The following ADAM12 variants were observed in gnomAD, a reference collection of about 807,000 sequenced individuals.
ADAM12 encodes the protein ADAM metallopeptidase domain 12, also known as disintegrin and metalloproteinase domain-containing protein 12.
In ADAM12, 70 loss-of-function variants were observed where a neutral mutation model predicts 106.4. The observed-to-expected ratio is 0.66, with a 90% CI of 0.54 to 0.80. The LOEUF (loss-of-function observed/expected upper bound fraction) is 0.80, where lower values mean the gene tolerates loss of function less well. Ranked by LOEUF, ADAM12 falls within the 30% of genes least tolerant of loss-of-function variation. The pLI, the probability that ADAM12 is intolerant of heterozygous loss-of-function variation, is 0.00. For synonymous variants in ADAM12, 420 were observed against 433.5 expected (o/e 0.97, Z 0.39); for missense variants, 1,010 against 1,171.9 (o/e 0.86, Z 2.02).
At chr10:126,118,427 A>G (rs1000111189) in intron 5 of ADAM12, among the ~76,000 whole-genome samples, 5 of 152,124 alleles carry the variant, frequency 3.3e-5, no homozygotes, top group African/African-American at 1.2e-4. Flanking sequence ...TTAGCCTAGG[A>G]ATTTTCTTCT....
At chr10:126,057,365 T>C (rs1038609387) in intron 14 of ADAM12, among the ~76,000 whole-genome samples, 1 of 17,202 alleles carries the variant, frequency 5.8e-5, no homozygotes, top group African/African-American at 3.1e-4. Context: ...TAGAGTATAA[T>C]AAAAAAAAAA....
intron 1 of ADAM12, among the ~76,000 whole-genome samples, chr10:126,337,730 C>G (rs571741590): frequency 2.0e-5 from 3 of 152,214 alleles, no homozygotes; most frequent in Non-Finnish European, 4.4e-5. Flanking sequence ...TTAACCATCA[C>G]ACATGGATCT....
intron 14 of ADAM12, among the ~76,000 whole-genome samples, chr10:126,063,365 G>A (rs552097584): frequency 1.3e-5 from 2 of 152,318 alleles, no homozygotes; most frequent in South Asian, 4.1e-4. Flanking sequence ...ACCCAGCTCC[G>A]AGAGACATCC....
At chr10:126,194,492 A>G (rs1471848396) in intron 3 of ADAM12, among the ~76,000 whole-genome samples, 3 of 152,224 alleles carry the variant, frequency 2.0e-5, no homozygotes, top group Non-Finnish European at 4.4e-5. Flanking sequence ...TCACACGTAG[A>G]GAAAGTCTCC....
intron 3 of ADAM12, among the ~76,000 whole-genome samples, chr10:126,236,331 G>C (rs1290402061): frequency 6.6e-6 from 1 of 152,186 alleles, no homozygotes; most frequent in Non-Finnish European, 1.5e-5. Flanking sequence ...GTCAGATGGA[G>C]ATGCCAGGGC....
intron 3 of ADAM12, among the ~76,000 whole-genome samples, chr10:126,247,571 C>T (rs573593029): frequency 3.0e-4 from 46 of 152,326 alleles, no homozygotes; most frequent in African/African-American, 1.1e-3. Flanking sequence ...AACTCATGTG[C>T]TTTCTGGCCC....
chr10:126,275,898 A>T (rs1202623676), intron 3 of ADAM12, among the ~76,000 whole-genome samples: 1 of 152,204 alleles, frequency 6.6e-6, no homozygotes, highest in Non-Finnish European at 1.5e-5. Flanking sequence ...ATCCTCTATA[A>T]TCTTCCTACT....
At chr10:126,240,065 TAGC>T (rs1958492758) in intron 3 of ADAM12, among the ~76,000 whole-genome samples, 1 of 152,182 alleles carries the variant, frequency 6.6e-6, no homozygotes, top group Admixed American at 6.5e-5. Flanking sequence ...TGGCTTGCTG[TAGC>T]ATTGCGTCTA....
intron 1 of ADAM12, among the ~76,000 whole-genome samples, chr10:126,376,013 G>A (rs1307677780): frequency 6.7e-6 from 1 of 148,998 alleles, no homozygotes; most frequent in African/African-American, 2.5e-5. Flanking sequence ...CTCTCAAAGT[G>A]CTGAGATTAC....
intron 1 of ADAM12, among the ~76,000 whole-genome samples, chr10:126,381,557 A>T (rs1484522478): frequency 6.6e-6 from 1 of 152,114 alleles, no homozygotes; most frequent in Admixed American, 6.6e-5. Flanking sequence ...GTACAGTGGC[A>T]CGATCTCAGC....
chr10:126,336,090 C>A (rs1228733934), intron 1 of ADAM12, among the ~76,000 whole-genome samples: 1 of 152,060 alleles, frequency 6.6e-6, no homozygotes, highest in East Asian at 1.9e-4. Flanking sequence ...CAGTAAGAAC[C>A]AATGAATAAA....
At chr10:126,099,359 T>A (rs1290152) in intron 9 of ADAM12, among the ~76,000 whole-genome samples, 24,244 of 151,772 alleles carry the variant, frequency 0.16, 2,438 homozygotes, top group East Asian at 0.28. Flanking sequence ...ACCTTCTCCC[T>A]CCTTCCCTCC....
At position 126,043,217 on chromosome 10, in the gene ADAM12, G is replaced by C; in HGVS notation, c.1996-69C>G. On this transcript the variant is annotated intron_variant, in intron 17 of 22. Coordinates refer to ENST00000448723, the MANE Select transcript of ADAM12 (RefSeq NM_001288973.2). The surrounding 1 kb of genome is among the most constrained non-coding windows in gnomAD (Gnocchi z 4.1). ...CTGTGCATCACCACAGCAGAAGCAA[G>C]GGGGGCCATGGTCAGAGCCCCCCCC... The C allele has an allele frequency of 7.0e-7, 1 of 1,426,230 alleles. No homozygotes were observed. The highest frequency in any genetic ancestry group is 9.7e-7 in the Non-Finnish European group (1 of 1,030,816). 88.3% of individuals were successfully genotyped at this position (1,426,230 alleles called of 1,614,324 possible). A position where few individuals can be genotyped will look rare whatever the true frequency, so the allele number is the denominator to read the frequency against.
At chr10:126,062,285 C>T (rs3781012) in intron 14 of ADAM12, among the ~76,000 whole-genome samples, 21,060 of 152,126 alleles carry the variant, frequency 0.14, 2,136 homozygotes, top group East Asian at 0.25. Context: ...TGGCCACACA[C>T]GACACCACCC....
chr10:126,165,157 C>T (rs906321876), intron 3 of ADAM12, among the ~76,000 whole-genome samples: 1 of 152,106 alleles, frequency 6.6e-6, no homozygotes, highest in African/African-American at 2.4e-5. Context: ...CACAGGGTGT[C>T]AGGCCTTGGG....
chr10:126,276,074 ATTG>A (rs1410489454), intron 3 of ADAM12, among the ~76,000 whole-genome samples: 2 of 152,196 alleles, frequency 1.3e-5, no homozygotes, highest in African/African-American at 4.8e-5. Flanking sequence ...ATCATTTTAA[ATTG>A]TTGTATGGTA....
At chr10:126,102,059 G>A (rs1396840806) in intron 8 of ADAM12, among the ~76,000 whole-genome samples, 6 of 152,046 alleles carry the variant, frequency 3.9e-5, no homozygotes, top group Admixed American at 1.3e-4. Context: ...CAGGCAGGTC[G>A]TTCTGGGTCA....
At chr10:126,279,844 C>A (rs1959477843) in intron 2 of ADAM12, among the ~76,000 whole-genome samples, 1 of 152,208 alleles carries the variant, frequency 6.6e-6, no homozygotes, top group African/African-American at 2.4e-5. Flanking sequence ...TGCATGAGTG[C>A]AGAAAGTGGA....
rs529749283 is a variant in ADAM12 at position 126,117,097 on chromosome 10, G to C, written c.603+941C>G. Among the ~76,000 whole-genome samples, 6 of 152,272 alleles carry C rather than the reference G, an allele frequency of 3.9e-5. No homozygotes were observed. The South Asian group carries it at 1.2e-3, about 32-fold the overall frequency. ...ACAGAGGAACAGGAAATCCAGAAAT[G>C]GAAAATCAGGAAATTGTTGATAATT... On this transcript the variant is annotated intron_variant, in intron 6 of 22. Coordinates refer to ENST00000448723, the MANE Select transcript of ADAM12 (RefSeq NM_001288973.2).
Sources: allele counts gnomAD v4.1 joint callset (sites outside exome capture counted in the v4.1 genomes callset), GRCh38; gene constraint gnomAD v4.1.1; non-coding constraint Gnocchi (gnomAD v3.1); transcripts MANE v1.5; gene names NCBI Gene and HGNC (gene_info 2026-07-23, HGNC 2026-07-21).